Variants in CADM2 observed in about 807,000 individuals in gnomAD.
CADM2 encodes cell adhesion molecule 2, also known as immunoglobulin superfamily member 4D.
In CADM2, 12 loss-of-function variants were observed where a neutral mutation model predicts 49.8. The ratio of observed to expected loss-of-function variants is 0.24; its 90% CI spans 0.15 to 0.39. The LOEUF (loss-of-function observed/expected upper bound fraction) is 0.39, where lower values mean the gene tolerates loss of function less well. Among genes scored for constraint, CADM2 ranks in the 10% least tolerant of loss-of-function variants. The pLI is 1.00. For missense variants in CADM2, 378 were observed against 492.3 expected, an observed-to-expected ratio of 0.77 and a Z score of 2.20; for synonymous variants, 214 against 175.4, an observed-to-expected ratio of 1.22 and a Z score of -1.74.
At position 85,364,200 on chromosome 3, in the gene CADM2, T is replaced by C. The variant is rs1048089007; in HGVS notation, c.62-362322T>C. On this transcript the variant is annotated intron_variant, in intron 1 of 9. Transcript: ENST00000383699. The stretch of plus-strand genomic sequence containing the variant: ...GTTTTATGGCTAAATGAATGGTTTT[T>C]AAGAGTATCTACTCCACAGAAAGCA... Among the ~76,000 whole-genome samples, 8 of 152,312 alleles carry C rather than the reference T, an allele frequency of 5.3e-5. No individual in the cohort carries two copies. The Middle Eastern group carries it at 0.014, about 259-fold the overall frequency.
At chr3:85,951,345 A>C (rs910477665) in intron 7 of CADM2, among the ~76,000 whole-genome samples, 2 of 151,070 alleles carry the variant, frequency 1.3e-5, no homozygotes, top group Non-Finnish European at 1.5e-5. Context: ...CACAGTGGGA[A>C]ATCTATAATT....
chr3:85,258,653 A>G (rs1559746678), intron 1 of CADM2, among the ~76,000 whole-genome samples: 1 of 152,108 alleles, frequency 6.6e-6, no homozygotes, highest in Non-Finnish European at 1.5e-5. Flanking sequence ...CTAAAAGCGT[A>G]TGGAAGATAA....
chr3:85,886,433 G>A, intron 5 of CADM2, 106 bp downstream of exon 5: 2 of 770,122 alleles, frequency 2.6e-6, no homozygotes, highest in Non-Finnish European at 4.2e-6. Flanking sequence ...GTCTCTTACA[G>A]ATTATGCATC....
At chr3:85,584,494 A>G (rs771867249) in intron 1 of CADM2, among the ~76,000 whole-genome samples, 5 of 152,112 alleles carry the variant, frequency 3.3e-5, no homozygotes, top group Non-Finnish European at 7.4e-5. Context: ...AATATATGTT[A>G]TGGTGCTTGC....
rs111875223 is a variant in CADM2 at position 85,059,082 on chromosome 3, A to G, written c.61+99414A>G. 7.1e-3 allele frequency among the ~76,000 whole-genome samples: 1,073 copies of G among 151,994 alleles called. 16 individuals are homozygous for G. The highest frequency in any genetic ancestry group is 0.024 in the African/African-American group (1,008 of 41,486). On this transcript the variant is annotated intron_variant, in intron 1 of 9. Transcript: ENST00000383699. ...GTGAAACCCTGTCTCCACTAAAAATACAAAGAATTAGCTGGGAGTGGTGGC... is the reference window on the plus strand; with the variant it reads ...GTGAAACCCTGTCTCCACTAAAAATGCAAAGAATTAGCTGGGAGTGGTGGC...
intron 1 of CADM2, among the ~76,000 whole-genome samples, chr3:85,276,074 T>C: frequency 6.6e-6 from 1 of 151,490 alleles, no homozygotes; most frequent in East Asian, 1.9e-4. Context: ...TGAAATGATA[T>C]CTCACAAAAA....
At chr3:85,758,612 A>G (rs1487784498) in intron 2 of CADM2, among the ~76,000 whole-genome samples, 1 of 152,146 alleles carries the variant, frequency 6.6e-6, no homozygotes, top group South Asian at 2.1e-4. Flanking sequence ...TGATGACTCA[A>G]TATTTAGTTT....
At chr3:86,040,423 CT>C (rs1171634281) in intron 8 of CADM2, among the ~76,000 whole-genome samples, 3 of 152,152 alleles carry the variant, frequency 2.0e-5, no homozygotes, top group Non-Finnish European at 4.4e-5. Flanking sequence ...GGTATGAGAA[CT>C]ATGTGACAAA....
chr3:85,120,398 G>C (rs981042717), intron 1 of CADM2, among the ~76,000 whole-genome samples: 1 of 152,110 alleles, frequency 6.6e-6, no homozygotes, highest in African/African-American at 2.4e-5. Flanking sequence ...ATTTATTGTA[G>C]CACTATTCAC....
At chr3:85,423,383 G>A (rs1485101063) in intron 1 of CADM2, among the ~76,000 whole-genome samples, 1 of 152,130 alleles carries the variant, frequency 6.6e-6, no homozygotes, top group Non-Finnish European at 1.5e-5. Context: ...GTCCAGACTT[G>A]AGGTTGGAGC....
At chr3:85,499,066 T>C (rs1250751693) in intron 1 of CADM2, among the ~76,000 whole-genome samples, 1 of 152,190 alleles carries the variant, frequency 6.6e-6, no homozygotes, top group Non-Finnish European at 1.5e-5. Flanking sequence ...AGCTTTGATA[T>C]ATGTATATTG....
At chr3:86,010,856 T>C (rs1441427412) in intron 8 of CADM2, among the ~76,000 whole-genome samples, 1 of 151,496 alleles carries the variant, frequency 6.6e-6, no homozygotes, top group Non-Finnish European at 1.5e-5. Context: ...TAATTGCCAA[T>C]AAGGATGAAA....
At chr3:85,462,207 A>G (rs991410647) in intron 1 of CADM2, among the ~76,000 whole-genome samples, 1 of 152,138 alleles carries the variant, frequency 6.6e-6, no homozygotes. Flanking sequence ...TCCAGTTGTC[A>G]AGCCCCAGAA....
At chr3:85,420,551 G>A (rs991513400) in intron 1 of CADM2, among the ~76,000 whole-genome samples, 2 of 152,104 alleles carry the variant, frequency 1.3e-5, no homozygotes, top group Non-Finnish European at 2.9e-5. Context: ...CACATAATAT[G>A]CTCCATGGCA....
At chr3:85,317,176 C>T (rs993381573) in intron 1 of CADM2, among the ~76,000 whole-genome samples, 2 of 152,050 alleles carry the variant, frequency 1.3e-5, no homozygotes, top group Admixed American at 6.6e-5. Context: ...AAATGAAATT[C>T]TCCTTGATAT....
At chr3:85,618,086 T>G (rs563275204) in intron 1 of CADM2, among the ~76,000 whole-genome samples, 1 of 152,260 alleles carries the variant, frequency 6.6e-6, no homozygotes, top group African/African-American at 2.4e-5. Flanking sequence ...TGTTAAAAAT[T>G]TAGGAATTGT....
At chr3:85,664,701 A>G (rs1408820467) in intron 1 of CADM2, among the ~76,000 whole-genome samples, 1 of 151,914 alleles carries the variant, frequency 6.6e-6, no homozygotes, top group African/African-American at 2.4e-5. Flanking sequence ...CAATTAATTG[A>G]ATTTCCTTTC....
intron 8 of CADM2, among the ~76,000 whole-genome samples, chr3:86,058,919 C>A (rs981811137): frequency 2.6e-5 from 4 of 151,732 alleles, no homozygotes; most frequent in Non-Finnish European, 4.4e-5. Context: ...CCTGGTGAAA[C>A]CCTGTCTCCA....
intron 8 of CADM2, among the ~76,000 whole-genome samples, chr3:85,987,886 T>G (rs1396452184): frequency 6.6e-6 from 1 of 152,116 alleles, no homozygotes; most frequent in East Asian, 1.9e-4. Context: ...AAACTGGCTG[T>G]ATCTTTCTTA....
Sources: gnomAD v4.1 joint callset for allele counts (sites outside exome capture counted in the v4.1 genomes callset) on GRCh38, gnomAD v4.1.1 for gene constraint, MANE v1.5 for transcripts, NCBI Gene and HGNC (gene_info 2026-07-23, HGNC 2026-07-21) for gene names.